TNPO1: variants seen among roughly 807,000 people sequenced by gnomAD.
TNPO1 encodes the protein transportin-1.
In TNPO1, 8 loss-of-function variants were observed where a neutral mutation model predicts 119.5. The ratio of observed to expected loss-of-function variants is 0.07; its 90% CI spans 0.04 to 0.12. TNPO1 has a LOEUF of 0.12. TNPO1 is among the 10% of genes least tolerant of loss of function. The pLI is 1.00. For synonymous variants in TNPO1, 362 were observed against 363.0 expected, an observed-to-expected ratio of 1.00 and a Z score of 0.03; for missense variants, 576 against 1,089.8, an observed-to-expected ratio of 0.53 and a Z score of 6.64.
chr5:72,844,398 A>G (rs1745039016), intron 1 of TNPO1, among the ~76,000 whole-genome samples: 1 of 152,184 alleles, frequency 6.6e-6, no homozygotes, highest in Non-Finnish European at 1.5e-5. Context: ...GTCAGGTTTA[A>G]GGAGGGCATT....
intron 1 of TNPO1, among the ~76,000 whole-genome samples, chr5:72,829,543 C>G (rs6871112): frequency 0.48 from 73,044 of 152,086 alleles, 18,853 homozygotes; most frequent in Admixed American, 0.61. Context: ...AAGTTTCCCT[C>G]AAGGATAGGA....
chr5:72,860,525 C>T (rs909060335), intron 4 of TNPO1, among the ~76,000 whole-genome samples: 1 of 152,232 alleles, frequency 6.6e-6, no homozygotes, highest in African/African-American at 2.4e-5. Flanking sequence ...TATCACAACT[C>T]TACTGCATAA....
chr5:72,841,819 C>G (rs562375119), intron 1 of TNPO1, among the ~76,000 whole-genome samples: 1 of 151,534 alleles, frequency 6.6e-6, no homozygotes, highest in African/African-American at 2.4e-5. Flanking sequence ...ATAGCATGCT[C>G]TTTTTAGATC....
rs542484816 is a variant in TNPO1, at chr5:72,908,946, C to CAA, written c.*285_*286dup. Reference sequence around the variant, plus strand: ...CAACTCCGCAGTGGATGTGAAGAAGCAAAAAAAAAAAAATCTATTCAGTCT... The same window carrying CAA: ...CAACTCCGCAGTGGATGTGAAGAAGCAAAAAAAAAAAAAAATCTATTCAGTCT... On this transcript the variant is annotated 3_prime_UTR_variant, in exon 25 of 25. Transcript: ENST00000337273. 1.8e-4 allele frequency: 64 copies of CAA among 360,940 alleles called. No individual in the cohort carries two copies. Among genetic ancestry groups the CAA allele is most frequent in the Middle Eastern group, 4.3e-4 (1 of 2,326 alleles). 22.4% of individuals were successfully genotyped at this position (360,940 alleles called of 1,614,324 possible). A position where few individuals can be genotyped will look rare whatever the true frequency, so the allele number is the denominator to read the frequency against.
intron 1 of TNPO1, among the ~76,000 whole-genome samples, chr5:72,842,392 C>T (rs1390077044): frequency 6.6e-6 from 1 of 152,224 alleles, no homozygotes; most frequent in Non-Finnish European, 1.5e-5. Context: ...AGGCAAGTAA[C>T]TTCTCTGTGC....
chr5:72,900,865 A>G, intron 21 of TNPO1, 109 bp from the exon 22 acceptor site: 1 of 596,804 alleles, frequency 1.7e-6, no homozygotes, highest in Non-Finnish European at 2.6e-6. Context: ...CTCTTTTAAT[A>G]TAATCATTAT....
chr5:72,887,330 T>A, intron 12 of TNPO1, 108 bp downstream of exon 12: 4 of 1,268,718 alleles, frequency 3.2e-6, no homozygotes, highest in South Asian at 1.6e-5. Flanking sequence ...AGATAACTAG[T>A]ATTAAACAGC....
intron 1 of TNPO1, among the ~76,000 whole-genome samples, chr5:72,835,102 C>G (rs1744644039): frequency 6.6e-6 from 1 of 152,198 alleles, no homozygotes; most frequent in Admixed American, 6.5e-5. Context: ...TAAGCACACT[C>G]TATGATGTTA....
At chr5:72,848,669 C>T (rs1275369767) in intron 2 of TNPO1, among the ~76,000 whole-genome samples, 171 bp downstream of exon 2, 1 of 148,848 alleles carries the variant, frequency 6.7e-6, no homozygotes, top group East Asian at 2.0e-4. Context: ...CCCTGCCGGG[C>T]GACTCGCGCA....
chr5:72,847,463 A>T (rs1476089823), intron 1 of TNPO1, among the ~76,000 whole-genome samples: 1 of 152,240 alleles, frequency 6.6e-6, no homozygotes, highest in Non-Finnish European at 1.5e-5. Flanking sequence ...TTGTTTGCTC[A>T]GATCTTTTTT....
At chr5:72,896,364 T>G in intron 18 of TNPO1, 94 bp from the exon 19 acceptor site, 1 of 683,214 alleles carries the variant, frequency 1.5e-6, no homozygotes, top group Non-Finnish European at 2.3e-6. Context: ...TGTTATTTCT[T>G]GCTTAGATTT....
chr5:72,908,299 G>C (rs1750314910), intron 24 of TNPO1, among the ~76,000 whole-genome samples: 1 of 152,138 alleles, frequency 6.6e-6, no homozygotes, highest in Non-Finnish European at 1.5e-5. Flanking sequence ...TCATTCTAAG[G>C]ATTGTCCTAA....
At chr5:72,896,379 T>G in intron 18 of TNPO1, 79 bp from the exon 19 acceptor site, 1 of 835,432 alleles carries the variant, frequency 1.2e-6, no homozygotes, top group Non-Finnish European at 1.8e-6. Context: ...AGATTTCTGT[T>G]TCCACCTAGT....
chr5:72,835,586 C>T (rs1744662898), intron 1 of TNPO1, among the ~76,000 whole-genome samples: 1 of 152,130 alleles, frequency 6.6e-6, no homozygotes, highest in Admixed American at 6.5e-5. Context: ...TTAATGAGGA[C>T]AGAACTCTCA....
At chr5:72,878,694 A>T (rs1748005413) in intron 9 of TNPO1, 2 of 210,264 alleles carry the variant, frequency 9.5e-6, no homozygotes. Flanking sequence ...GAAATCTATT[A>T]ATTGTTCTTC....
At chr5:72,869,170 A>G (rs1747181311) in intron 6 of TNPO1, among the ~76,000 whole-genome samples, 1 of 152,184 alleles carries the variant, frequency 6.6e-6, no homozygotes, top group South Asian at 2.1e-4. Context: ...ACTCCTATTT[A>G]TAAGGTAAAT....
chr5:72,834,735 T>C (rs1457339658), intron 1 of TNPO1, among the ~76,000 whole-genome samples: 1 of 152,216 alleles, frequency 6.6e-6, no homozygotes, highest in East Asian at 1.9e-4. Context: ...AGTACAGTAG[T>C]GTACAGTATT....
chr5:72,841,819 C>T (rs562375119), intron 1 of TNPO1, among the ~76,000 whole-genome samples: 170 of 151,644 alleles, frequency 1.1e-3, no homozygotes, highest in African/African-American at 4.0e-3. Context: ...ATAGCATGCT[C>T]TTTTTAGATC....
chr5:72,908,746 C>A lies in TNPO1; in HGVS notation c.*73C>A. On this transcript the variant is annotated 3_prime_UTR_variant, in exon 25 of 25. Coordinates refer to ENST00000337273, the MANE Select transcript of TNPO1 (RefSeq NM_002270.4). ...TGGAGACTATAAGGGAGCCTCTGCA[C>A]CCAGGGAAAATGTTACCCTTTACAG... 1 of 210,418 alleles carries A rather than the reference C, an allele frequency of 4.8e-6. No homozygotes were observed. Among genetic ancestry groups the A allele is most frequent in the South Asian group, 5.4e-5 (1 of 18,574 alleles). The allele number at this position is 210,418 out of a possible 1,614,324, so 13.0% of individuals were successfully genotyped here. A position where few individuals can be genotyped will look rare whatever the true frequency, so the allele number is the denominator to read the frequency against.
Sources: allele counts gnomAD v4.1 joint callset (sites outside exome capture counted in the v4.1 genomes callset), GRCh38; gene constraint gnomAD v4.1.1; transcripts MANE v1.5; gene names NCBI Gene and HGNC (gene_info 2026-07-23, HGNC 2026-07-21).